The following TTC17 variants were observed in gnomAD, a reference collection of about 807,000 sequenced individuals.
TTC17 encodes tetratricopeptide repeat domain 17, also known as tetratricopeptide repeat protein 17.
A neutral mutation model predicts 143.8 loss-of-function variants in TTC17; 58 were observed. The observed-to-expected ratio is 0.40, with a 90% CI of 0.33 to 0.50. TTC17 has a LOEUF of 0.50. TTC17 is among the 20% of genes least tolerant of loss of function. The pLI is 0.49. For missense variants in TTC17, 1,273 were observed against 1,392.5 expected, an observed-to-expected ratio of 0.91 and a Z score of 1.37; for synonymous variants, 501 against 497.8, an observed-to-expected ratio of 1.01 and a Z score of -0.09.
In TTC17 at chr11:43,458,321, T is replaced by C. The variant is rs538054553; in HGVS notation, c.3030+7056T>C. Among the ~76,000 whole-genome samples, 23 of 152,294 alleles carry C rather than the reference T, an allele frequency of 1.5e-4. No individual in the cohort carries two copies. In the South Asian group the frequency reaches 4.6e-3, roughly 30 times the overall value. On this transcript the variant is annotated intron_variant, in intron 21 of 23. Coordinates refer to ENST00000039989, the MANE Select transcript of TTC17 (RefSeq NM_018259.6). Reference sequence around the variant, plus strand: ...GTACCATGTGATCCCTCCAAGTCCATCTGGTCTCTCCAGCTCCCCATGGTC... The same window carrying C: ...GTACCATGTGATCCCTCCAAGTCCACCTGGTCTCTCCAGCTCCCCATGGTC...
intron 16 of TTC17, among the ~76,000 whole-genome samples, chr11:43,423,457 CAG>C (rs1946955109): frequency 6.6e-6 from 1 of 152,008 alleles, no homozygotes; most frequent in Non-Finnish European, 1.5e-5. Flanking sequence ...ATTTAAGGAA[CAG>C]AGTCAGGAAA....
intron 15 of TTC17, among the ~76,000 whole-genome samples, chr11:43,412,843 A>T (rs550211331): frequency 6.6e-5 from 10 of 152,214 alleles, no homozygotes; most frequent in Non-Finnish European, 1.3e-4. Context: ...GAGAGAGTCA[A>T]TATTGTTCAG....
chr11:43,457,261 T>A (rs1473559833), intron 21 of TTC17, among the ~76,000 whole-genome samples: 1 of 152,068 alleles, frequency 6.6e-6, no homozygotes, highest in African/African-American at 2.4e-5. Flanking sequence ...GATTGAGTCT[T>A]GCCAAACTGT....
chr11:43,406,026 A>C (rs1858114017), intron 13 of TTC17, 75 bp downstream of exon 13: 1 of 1,482,594 alleles, frequency 6.7e-7, no homozygotes, highest in Non-Finnish European at 9.0e-7. Flanking sequence ...TGGAACAAAA[A>C]ATTGATAGAA....
chr11:43,442,672 C>T (rs185581420), intron 16 of TTC17, among the ~76,000 whole-genome samples: 1 of 152,282 alleles, frequency 6.6e-6, no homozygotes, highest in Admixed American at 6.5e-5. Context: ...ATACTGAGTT[C>T]TCAGGAGAGA....
rs1417359700 is a variant in TTC17, at chr11:43,448,002, G to GA, written c.2673dup (p.Arg892ThrfsTer2). The GA allele has an allele frequency of 6.2e-7, 1 of 1,613,426 alleles. No individual in the cohort carries two copies. The highest frequency in any genetic ancestry group is 1.7e-5 in the Admixed American group (1 of 59,918). On this transcript the variant is annotated frameshift_variant and splice_region_variant, in exon 19 of 24. Coordinates refer to ENST00000039989, the MANE Select transcript of TTC17 (RefSeq NM_018259.6). LOFTEE classifies it high-confidence loss of function. ...GATTCATGGCATACTTTCCTTCCAG[G>GA]AAAAAAACGTGACTACCAGCGTCTG... is the stretch of plus-strand genomic sequence containing the variant.
chr11:43,451,422 T>C (rs1241637348), intron 21 of TTC17, among the ~76,000 whole-genome samples, 157 bp downstream of exon 21: 1 of 152,238 alleles, frequency 6.6e-6, no homozygotes, highest in Non-Finnish European at 1.5e-5. Flanking sequence ...AATGTTTCAG[T>C]CGCTTTTTCT....
At chr11:43,415,784 T>G (rs1012431325) in intron 16 of TTC17, among the ~76,000 whole-genome samples, 1 of 152,156 alleles carries the variant, frequency 6.6e-6, no homozygotes, top group Non-Finnish European at 1.5e-5. Flanking sequence ...CAAAGCCCAA[T>G]TATTTACTGA....
intron 2 of TTC17, among the ~76,000 whole-genome samples, chr11:43,382,126 C>G (rs745592126): frequency 2.0e-5 from 3 of 152,108 alleles, no homozygotes; most frequent in Non-Finnish European, 2.9e-5. Context: ...TCTTAGATAA[C>G]AGAAGACAGT....
intron 16 of TTC17, among the ~76,000 whole-genome samples, chr11:43,438,111 G>T (rs1947332416): frequency 6.6e-6 from 1 of 152,178 alleles, no homozygotes; most frequent in Non-Finnish European, 1.5e-5. Flanking sequence ...TCAGATCACT[G>T]CCTTTTAAAG....
At chr11:43,493,642 A>C (rs1948509813) in intron 23 of TTC17, 131 bp from the exon 24 acceptor site, 3 of 1,381,310 alleles carry the variant, frequency 2.2e-6, no homozygotes, top group Non-Finnish European at 3.0e-6. Flanking sequence ...TTCCACAAAG[A>C]CTTAGATCCG....
chr11:43,368,616 C>T (rs1856444498), intron 1 of TTC17, among the ~76,000 whole-genome samples: 1 of 152,180 alleles, frequency 6.6e-6, no homozygotes, highest in Admixed American at 6.5e-5. Context: ...TGGCTTCCTA[C>T]CTGGTCTCCT....
chr11:43,379,416 A>G, intron 2 of TTC17, 94 bp downstream of exon 2: 1 of 1,150,282 alleles, frequency 8.7e-7, no homozygotes, highest in East Asian at 2.4e-5. Context: ...ATTATTTTTT[A>G]AGTCTGAGTC....
intron 21 of TTC17, among the ~76,000 whole-genome samples, chr11:43,452,442 AGTGAGCCAAGATCGC>A (rs1253612504): frequency 6.6e-6 from 1 of 152,178 alleles, no homozygotes; most frequent in Non-Finnish European, 1.5e-5. Context: ...CGGAGGTTGC[AGTGAGCCAAGATCGC>A]GCCACTGCAC....
At chr11:43,376,769 A>G (rs1401166569) in intron 1 of TTC17, among the ~76,000 whole-genome samples, 1 of 152,204 alleles carries the variant, frequency 6.6e-6, no homozygotes, top group African/African-American at 2.4e-5. Context: ...TATTGGTTGA[A>G]TGGATGTTGT....
At chr11:43,366,184 T>G (rs1856335642) in intron 1 of TTC17, among the ~76,000 whole-genome samples, 1 of 152,122 alleles carries the variant, frequency 6.6e-6, no homozygotes. Flanking sequence ...CCAAGATCTT[T>G]GTTTTACTAA....
At chr11:43,436,281 C>G in intron 16 of TTC17, 1 of 1,365,578 alleles carries the variant, frequency 7.3e-7, no homozygotes, top group Non-Finnish European at 9.4e-7. Context: ...GAGGAGGACC[C>G]TGTATTCTCT....
intron 16 of TTC17, among the ~76,000 whole-genome samples, chr11:43,424,926 A>G (rs1343846857): frequency 6.6e-6 from 1 of 152,138 alleles, no homozygotes; most frequent in Non-Finnish European, 1.5e-5. Flanking sequence ...TTAACAAGGT[A>G]TTTTTAATAT....
chr11:43,368,451 T>C (rs980926571), intron 1 of TTC17, among the ~76,000 whole-genome samples: 1 of 152,186 alleles, frequency 6.6e-6, no homozygotes, highest in African/African-American at 2.4e-5. Flanking sequence ...AAAATTTTGG[T>C]ATCTTCTTGA....
Sources: gnomAD v4.1 joint callset for allele counts (sites outside exome capture counted in the v4.1 genomes callset) on GRCh38, gnomAD v4.1.1 for gene constraint, MANE v1.5 for transcripts, NCBI Gene and HGNC (gene_info 2026-07-23, HGNC 2026-07-21) for gene names.